Variants in USP33 observed in about 807,000 individuals in gnomAD.
USP33 encodes ubiquitin carboxyl-terminal hydrolase 33.
In USP33, 46 loss-of-function variants were observed where a neutral mutation model predicts 124.2. The observed-to-expected ratio is 0.37, with a 90% CI of 0.29 to 0.47. USP33 has a LOEUF of 0.47. Among genes scored for constraint, USP33 ranks in the 20% least tolerant of loss-of-function variants. The probability of loss-of-function intolerance (pLI) is 0.99; values close to 1 mark genes in which losing one functional copy is unlikely to be tolerated. For missense variants in USP33, 851 were observed against 1,070.6 expected, an observed-to-expected ratio of 0.79 and a Z score of 2.86; for synonymous variants, 350 against 352.3, an observed-to-expected ratio of 0.99 and a Z score of 0.07.
intron 21 of USP33, among the ~76,000 whole-genome samples, chr1:77,703,648 C>T (rs949299054): frequency 1.3e-5 from 2 of 152,006 alleles, no homozygotes; most frequent in Non-Finnish European, 2.9e-5. Context: ...ATATAAAACT[C>T]CAACCTGACT....
chr1:77,718,821 C>G (rs1266845245), intron 15 of USP33, 180 bp from the exon 16 acceptor site: 1 of 507,164 alleles, frequency 2.0e-6, no homozygotes, highest in African/African-American at 2.0e-5. Flanking sequence ...CCCAGATACT[C>G]AGGAGGCTGA....
intron 15 of USP33, 61 bp from the exon 16 acceptor site, chr1:77,718,702 C>A: frequency 7.6e-7 from 1 of 1,311,782 alleles, no homozygotes; most frequent in Non-Finnish European, 1.1e-6. Context: ...TTTAAATTTG[C>A]AACAAAAATC....
At chr1:77,750,060 G>GT (rs1680151898) in intron 1 of USP33, among the ~76,000 whole-genome samples, 1 of 152,168 alleles carries the variant, frequency 6.6e-6, no homozygotes, top group African/African-American at 2.4e-5. Flanking sequence ...TGCGATGACT[G>GT]TAATTCCAGA....
At chr1:77,750,870 T>C (rs1203949333) in intron 1 of USP33, among the ~76,000 whole-genome samples, 1 of 152,166 alleles carries the variant, frequency 6.6e-6, no homozygotes, top group East Asian at 1.9e-4. Flanking sequence ...CAAATGTTTA[T>C]TGAGGGTAGG....
chr1:77,722,063 G>C lies in USP33; in HGVS notation c.1523C>G (p.Pro508Arg). 6.2e-7 allele frequency: 1 copy of C among 1,613,988 alleles called. No homozygotes were observed. The highest frequency in any genetic ancestry group is 8.5e-7 in the Non-Finnish European group (1 of 1,179,938). Residue 508 changes from proline (P) to arginine (R), a missense_variant, in exon 13 of 24, where the codon CCA becomes CGA. Physicochemically the swap from Pro to Arg is moderately radical, Grantham distance 103 (BLOSUM62 -2). Around this residue, in one of 4 missense-constraint regions of USP33, gnomAD observed 281 missense variants for 425.0 expected, o/e 0.66. Coordinates refer to ENST00000370794, the MANE Select transcript of USP33 (RefSeq NM_201624.3). The stretch of plus-strand genomic sequence containing the variant: ...CATGAAAAAAGCTATCCACCCTTGT[G>C]GAGCATATGCTTCGCCACATGATCC... ...KAGSCGEAYA[P>R]QGWIAFFMEY...
intron 1 of USP33, among the ~76,000 whole-genome samples, chr1:77,757,277 A>G (rs547090139): frequency 6.6e-6 from 1 of 152,384 alleles, no homozygotes; most frequent in African/African-American, 2.4e-5. Flanking sequence ...AGTTCTTTGA[A>G]GGCAGAAACC....
intron 12 of USP33, 85 bp from the exon 13 acceptor site, chr1:77,722,281 A>G: frequency 2.3e-6 from 3 of 1,323,098 alleles, no homozygotes; most frequent in Non-Finnish European, 2.0e-6. Context: ...CTAAAGATCA[A>G]AGCATGTTTA....
At chr1:77,749,680 C>A (rs970452348) in intron 1 of USP33, among the ~76,000 whole-genome samples, 1 of 152,160 alleles carries the variant, frequency 6.6e-6, no homozygotes, top group Non-Finnish European at 1.5e-5. Context: ...CTGCACCCAG[C>A]CTGGTTTTAT....
intron 6 of USP33, among the ~76,000 whole-genome samples, chr1:77,735,714 G>C (rs938244585): frequency 6.6e-6 from 1 of 152,078 alleles, no homozygotes; most frequent in Admixed American, 6.6e-5. Flanking sequence ...TGTTTTCCCC[G>C]GAACTTCTGC....
At chr1:77,738,130 T>C (rs1678691731) in intron 5 of USP33, among the ~76,000 whole-genome samples, 1 of 152,248 alleles carries the variant, frequency 6.6e-6, no homozygotes, top group Admixed American at 6.5e-5. Context: ...AAATTATTCT[T>C]TGACTAAAAT....
chr1:77,713,392 T>C, intron 19 of USP33, 111 bp from the exon 20 acceptor site: 1 of 904,648 alleles, frequency 1.1e-6, no homozygotes, highest in Non-Finnish European at 1.6e-6. Context: ...TCATCATTGT[T>C]TTTTTAAGTG....
chr1:77,739,440 G>A, intron 4 of USP33, 23 bp from the exon 5 acceptor site: 2 of 1,544,528 alleles, frequency 1.3e-6, no homozygotes, highest in South Asian at 2.5e-5. Context: ...ACAGTAGAGG[G>A]AAAAGAGGAA....
chr1:77,703,490 G>C lies in USP33; in HGVS notation c.2407-2019C>G, dbSNP rs111935162. Reference sequence around the variant, plus strand: ...AATACAAAAATTAGCTAGGCATGGTGGTGGGTGCCTGTAATCCCAGCTACT... The same window carrying C: ...AATACAAAAATTAGCTAGGCATGGTCGTGGGTGCCTGTAATCCCAGCTACT... On this transcript the variant is annotated intron_variant, in intron 21 of 23. Coordinates refer to ENST00000370794, the MANE Select transcript of USP33 (RefSeq NM_201624.3). Among the ~76,000 whole-genome samples, 38 of 152,302 alleles carry C rather than the reference G, an allele frequency of 2.5e-4. 1 individual carries two copies. Among genetic ancestry groups the C allele is most frequent in the African/African-American group, 8.7e-4 (36 of 41,580 alleles).
At chr1:77,726,455 G>A (rs368805836) in intron 10 of USP33, among the ~76,000 whole-genome samples, 11 of 151,788 alleles carry the variant, frequency 7.2e-5, no homozygotes, top group East Asian at 1.9e-4. Flanking sequence ...GACCAACTGC[G>A]CAACATCATG....
chr1:77,755,683 G>C (rs1019773536), intron 1 of USP33, among the ~76,000 whole-genome samples: 6 of 152,230 alleles, frequency 3.9e-5, no homozygotes, highest in African/African-American at 1.4e-4. Flanking sequence ...GGGCAAGAGT[G>C]AGACCCTTTC....
At chr1:77,746,705 G>T (rs1679778348) in intron 1 of USP33, 1 of 152,132 alleles carries the variant, frequency 6.6e-6, no homozygotes, top group African/African-American at 2.4e-5. Context: ...TTCATCCCTG[G>T]GATGCAAGGC....
Position 77,696,093 on chromosome 1 carries a change from T to A in USP33, c.*1224A>T, listed in dbSNP as rs1331887004. 2.0e-4 allele frequency: 31 copies of A among 152,176 alleles called. No homozygotes were observed. Among genetic ancestry groups the A allele is most frequent in the Admixed American group, 2.0e-3 (31 of 15,278 alleles). The allele number at this position is 152,176 out of a possible 1,614,324, so 9.4% of individuals were successfully genotyped here. A position where few individuals can be genotyped will look rare whatever the true frequency, so the allele number is the denominator to read the frequency against. On this transcript the variant is annotated 3_prime_UTR_variant, in exon 24 of 24. Coordinates refer to ENST00000370794, the MANE Select transcript of USP33 (RefSeq NM_201624.3). ...AAGCCATCATGAATGCTATTCAACA[T>A]CCTCAATGTAATCCAGTATGTTTTT...
At position 77,721,810 on chromosome 1, in the gene USP33, CATAG is replaced by C. The variant is rs1201026498; in HGVS notation, c.1657+17_1657+20del. ...TTAGATTTACCTACAAAAATTTAGC[CATAG>C]ATATTATATTTCTTACCTTTTAGTT... On this transcript the variant is annotated intron_variant, in intron 14 of 23. Transcript: ENST00000370794. The C allele has an allele frequency of 1.3e-6, 2 of 1,588,880 alleles. No homozygotes were observed. Among genetic ancestry groups the C allele is most frequent in the African/African-American group, 2.7e-5 (2 of 73,084 alleles).
At chr1:77,700,033 C>T (rs1406044854) in intron 22 of USP33, among the ~76,000 whole-genome samples, 1 of 150,874 alleles carries the variant, frequency 6.6e-6, no homozygotes, top group Non-Finnish European at 1.5e-5. Flanking sequence ...ACACTAGGGC[C>T]TGTTGGTGGG....
Sources: gnomAD v4.1 joint callset for allele counts (sites outside exome capture counted in the v4.1 genomes callset) on GRCh38, gnomAD v4.1.1 for gene constraint, gnomAD v4.1.1 regional missense constraint, MANE v1.5 for transcripts, NCBI Gene and HGNC (gene_info 2026-07-23, HGNC 2026-07-21) for gene names.